Variants in ZFYVE26 observed in about 807,000 individuals in gnomAD.
ZFYVE26 encodes zinc finger FYVE-type containing 26.
ZFYVE26 carries 181 observed loss-of-function variants against 276.5 expected under a neutral mutation model. That is an observed-to-expected ratio of 0.65 (90% CI 0.58 to 0.74). ZFYVE26 has a LOEUF of 0.74. Among genes scored for constraint, ZFYVE26 ranks in the 30% least tolerant of loss-of-function variants. The probability of loss-of-function intolerance (pLI) is 0.00; values close to 1 mark genes in which losing one functional copy is unlikely to be tolerated. For missense variants in ZFYVE26, 2,821 were observed against 3,097.9 expected, an observed-to-expected ratio of 0.91 and a Z score of 2.12; for synonymous variants, 1,129 against 1,203.1, an observed-to-expected ratio of 0.94 and a Z score of 1.27.
At chr14:67,799,535 C>G in intron 10 of ZFYVE26, 2 of 1,565,440 alleles carry the variant, frequency 1.3e-6, no homozygotes, top group South Asian at 2.2e-5. Context: ...TTTTCTGGCT[C>G]AGATGGAAGC....
intron 11 of ZFYVE26, 33 bp downstream of exon 11, chr14:67,797,981 C>T: frequency 1.9e-6 from 3 of 1,613,678 alleles, no homozygotes; most frequent in Non-Finnish European, 2.5e-6. Context: ...CCCTCTCCAC[C>T]TTCTGGTCCC....
chr14:67,752,398 G>A lies in ZFYVE26; in HGVS notation c.7317C>T (p.Asp2439=), dbSNP rs147321202. ...GGCAGTTGAGGAGGATGGTGTCCCC[G>A]TCACTTTTGGCTGCCATGCCTGACT... ...VSESGMAAKS[D]GDTILLNCLE... Residue 2439 remains aspartate (D), a synonymous_variant, in exon 40 of 42, where the codon GAC becomes GAT. Coordinates refer to ENST00000347230, the MANE Select transcript of ZFYVE26 (RefSeq NM_015346.4). 41 of 1,612,752 alleles carry A rather than the reference G, an allele frequency of 2.5e-5. No homozygotes were observed. The highest frequency in any genetic ancestry group is 4.0e-5 in the African/African-American group (3 of 74,908).
chr14:67,790,927 C>T (rs552234202), intron 14 of ZFYVE26, among the ~76,000 whole-genome samples, 154 bp from the exon 15 acceptor site: 2 of 152,146 alleles, frequency 1.3e-5, no homozygotes, highest in African/African-American at 4.8e-5. Flanking sequence ...AAGAGCAGGT[C>T]AACTATAAAA....
At chr14:67,773,936 G>A (rs1466878046) in intron 27 of ZFYVE26, among the ~76,000 whole-genome samples, 1 of 152,170 alleles carries the variant, frequency 6.6e-6, no homozygotes, top group Admixed American at 6.5e-5. Flanking sequence ...CTGGAGACCA[G>A]GGGACTGGTG....
Position 67,732,176 on chromosome 14 carries a change from C to A in ZFYVE26, n.2680-2357G>T, listed in dbSNP as rs148620635. On this transcript the variant is annotated intron_variant and non_coding_transcript_variant, in intron 13 of 14. Transcript: ENST00000394455. ...TTAAGGCTGGGTGTGGCGGCTCATG[C>A]CTGTAGTCCCAGTACTTTGGGAGGC... is the stretch of plus-strand genomic sequence containing the variant. Among the ~76,000 whole-genome samples, 150 of 150,376 alleles carry A rather than the reference C, an allele frequency of 1.0e-3. 2 individuals carry two copies. Among genetic ancestry groups the A allele is most frequent in the African/African-American group, 3.4e-3 (138 of 40,836 alleles).
chr14:67,739,457 A>G (rs987302200), intron 13 of ZFYVE26, among the ~76,000 whole-genome samples: 1 of 152,124 alleles, frequency 6.6e-6, no homozygotes, highest in African/African-American at 2.4e-5. Flanking sequence ...ATGCTATCGT[A>G]TTATGTTGAA....
chr14:67,815,582 T>A (rs1263582502), intron 2 of ZFYVE26, 188 bp downstream of exon 2: 2 of 652,092 alleles, frequency 3.1e-6, no homozygotes, highest in Admixed American at 2.3e-5. Flanking sequence ...CAGATGATAA[T>A]CAAAAGCCAA....
At position 67,748,342 on chromosome 14, in the gene ZFYVE26, G is replaced by A. The variant is rs948542454; in HGVS notation, c.*94C>T. On this transcript the variant is annotated 3_prime_UTR_variant, in exon 42 of 42. Transcript: ENST00000347230. ...TCCAACCTAGGGCAGAGCCAGAGAA[G>A]TCCCACTCCACTGGAGGAAAGAGGT... 1.4e-6 allele frequency: 2 copies of A among 1,400,094 alleles called. No homozygotes were observed. Among genetic ancestry groups the A allele is most frequent in the Non-Finnish European group, 2.0e-6 (2 of 1,020,486 alleles). The allele number at this position is 1,400,094 out of a possible 1,614,324, so 86.7% of individuals were successfully genotyped here.
At chr14:67,760,850 GGGA>G (rs2140191980) in intron 35 of ZFYVE26, 1 of 198,814 alleles carries the variant, frequency 5.0e-6, no homozygotes, top group Non-Finnish European at 1.0e-5. Context: ...GGCAGAGGAT[GGGA>G]GAAGAAAAAA....
rs2039534323 is a variant in ZFYVE26, at chr14:67,782,779, C to T, written c.4372+1G>A. 6.2e-7 allele frequency: 1 copy of T among 1,614,154 alleles called. No homozygotes were observed. Among genetic ancestry groups the T allele is most frequent in the Admixed American group, 1.7e-5 (1 of 60,026 alleles). ...AAAGGGAGGCATAGCATTCTGCTCACCACATGCCACAGCACAGCTCAGGAC... is the reference window on the plus strand; with the variant it reads ...AAAGGGAGGCATAGCATTCTGCTCATCACATGCCACAGCACAGCTCAGGAC... On this transcript the variant is annotated splice_donor_variant, in intron 21 of 41. Transcript: ENST00000347230. LOFTEE classifies it high-confidence loss of function.
rs773663147 is a variant in ZFYVE26, at chr14:67,755,161, T to C, written c.6876A>G (p.Leu2292=). Residue 2292 remains leucine (L), a synonymous_variant, in exon 37 of 42, where the codon CTA becomes CTG. Transcript: ENST00000347230. ...TCTTCAGGTGGTCCTTGGCCTTAAG[T>C]AGCCATGAGAGCTTCTCTCCCAGTT... ...YTELGEKLSW[L]LKAKDHLKIY... 34 of 1,614,058 alleles carry C rather than the reference T, an allele frequency of 2.1e-5. No homozygotes were observed. The highest frequency in any genetic ancestry group is 5.5e-5 in the South Asian group (5 of 91,088).
chr14:67,815,472 G>T (rs28390262), intron 2 of ZFYVE26: 2 of 420,730 alleles, frequency 4.8e-6, no homozygotes, highest in Non-Finnish European at 8.8e-6. Flanking sequence ...TGGAGGCAAA[G>T]AAAATAGTTT....
intron 10 of ZFYVE26, 106 bp from the exon 11 acceptor site, chr14:67,798,728 A>C: frequency 7.1e-6 from 10 of 1,410,120 alleles, no homozygotes; most frequent in Non-Finnish European, 9.8e-6. Flanking sequence ...ACTTTAGCTC[A>C]TTTATTTATT....
At chr14:67,762,609 G>A in intron 33 of ZFYVE26, 63 bp downstream of exon 33, 1 of 1,606,966 alleles carries the variant, frequency 6.2e-7, no homozygotes, top group South Asian at 1.1e-5. Context: ...TGTTTGCAAG[G>A]CTAAGCAAAA....
At chr14:67,771,933 C>T (rs1594900675) in intron 28 of ZFYVE26, 114 bp downstream of exon 28, 4 of 1,414,832 alleles carry the variant, frequency 2.8e-6, no homozygotes, top group East Asian at 2.5e-5. Context: ...TTTGGCAGTT[C>T]TGAAAATACC....
Position 67,798,395 on chromosome 14 carries a change from T to C in ZFYVE26, c.1867A>G (p.Ile623Val), listed in dbSNP as rs756568888. Residue 623 changes from isoleucine to valine, a missense_variant, in exon 11 of 42, where the codon ATA becomes GTA. By Grantham distance (29) the Ile-to-Val change is conservative (BLOSUM62 3). Coordinates refer to ENST00000347230, the MANE Select transcript of ZFYVE26 (RefSeq NM_015346.4). ...TCTGACTTCCTTTCAGGATGTGCTA[T>C]GTGCTGAGGGCTCTCTGATGGGGAC... is the stretch of plus-strand genomic sequence containing the variant. Reference protein sequence around the residue: ...LRSPSESPQHIAHPERKSERG... With the variant: ...LRSPSESPQHVAHPERKSERG... 3 of 1,612,422 alleles carry C rather than the reference T, an allele frequency of 1.9e-6. No individual in the cohort carries two copies. In the East Asian group the frequency reaches 6.7e-5, roughly 36 times the overall value.
chr14:67,777,374 G>C (rs1027357599), intron 25 of ZFYVE26, among the ~76,000 whole-genome samples, 185 bp downstream of exon 25: 2 of 152,154 alleles, frequency 1.3e-5, no homozygotes, highest in African/African-American at 4.8e-5. Flanking sequence ...GGGCTTCTAG[G>C]GTAAAGATTT....
chr14:67,798,492 G>GTGAA lies in ZFYVE26; in HGVS notation c.1766_1769dup (p.Pro591SerfsTer8). On this transcript the variant is annotated frameshift_variant, in exon 11 of 42. Coordinates refer to ENST00000347230, the MANE Select transcript of ZFYVE26 (RefSeq NM_015346.4). LOFTEE classifies it high-confidence loss of function. ...AGTCCTCAGGCAAGTGAGGCTCTGGGTGAAGATCAGCAGAGGTGATGAGAA... is the reference window on the plus strand; with the variant it reads ...AGTCCTCAGGCAAGTGAGGCTCTGGGTGAATGAAGATCAGCAGAGGTGATGAGAA... 2.5e-6 allele frequency: 4 copies of GTGAA among 1,614,162 alleles called. No individual in the cohort carries two copies. Among genetic ancestry groups the GTGAA allele is most frequent in the Non-Finnish European group, 2.5e-6 (3 of 1,180,034 alleles).
chr14:67,741,780 C>T (rs2038417514), downstream of ZFYVE26, among the ~76,000 whole-genome samples: 2 of 152,220 alleles, frequency 1.3e-5, no homozygotes, highest in South Asian at 4.1e-4. Flanking sequence ...TTCACTCAGA[C>T]TCAGTTCCCT....
Sources: gnomAD v4.1 joint callset for allele counts (sites outside exome capture counted in the v4.1 genomes callset) on GRCh38, gnomAD v4.1.1 for gene constraint, MANE v1.5 for transcripts, NCBI Gene and HGNC (gene_info 2026-07-23, HGNC 2026-07-21) for gene names.